NSD1: variants seen among roughly 807,000 people sequenced by gnomAD.
NSD1 encodes the protein histone-lysine N-methyltransferase, H3 lysine-36 specific.
In NSD1, 26 loss-of-function variants were observed where a neutral mutation model predicts 242.7. The observed-to-expected ratio is 0.11, with a 90% CI of 0.08 to 0.15. The LOEUF (loss-of-function observed/expected upper bound fraction) is 0.15. Ranked by LOEUF, NSD1 falls within the 10% of genes least tolerant of loss-of-function variation. The probability of loss-of-function intolerance (pLI) is 1.00; values close to 1 mark genes in which losing one functional copy is unlikely to be tolerated. For synonymous variants in NSD1, 1,106 were observed against 1,178.1 expected (o/e 0.94, Z 1.25); for missense variants, 2,495 against 3,272.8 (o/e 0.76, Z 5.80).
intron 2 of NSD1, among the ~76,000 whole-genome samples, chr5:177,185,663 A>ATTAT (rs1388921280): frequency 1.6e-5 from 2 of 123,646 alleles, no homozygotes; most frequent in African/African-American, 6.3e-5. Context: ...CCAAATATAT[A>ATTAT]TTATATATAT....
At chr5:177,143,536 G>T (rs904165650) in intron 2 of NSD1, among the ~76,000 whole-genome samples, 2 of 151,942 alleles carry the variant, frequency 1.3e-5, no homozygotes, top group African/African-American at 4.8e-5. Flanking sequence ...TGGTTAAGCT[G>T]GTCTTGAACT....
At chr5:177,152,778 T>C (rs1390476215) in intron 2 of NSD1, among the ~76,000 whole-genome samples, 1 of 151,672 alleles carries the variant, frequency 6.6e-6, no homozygotes, top group Non-Finnish European at 1.5e-5. Context: ...CTTTTTTTTT[T>C]TTGGCAAGTG....
At chr5:177,223,901 G>A (rs972670478) in intron 5 of NSD1, among the ~76,000 whole-genome samples, 4 of 152,136 alleles carry the variant, frequency 2.6e-5, no homozygotes, top group Admixed American at 6.5e-5. Context: ...CAGGAGAATC[G>A]CCTGAACCTG....
At chr5:177,176,458 GTA>G (rs1305008397) in intron 2 of NSD1, among the ~76,000 whole-genome samples, 1 of 149,750 alleles carries the variant, frequency 6.7e-6, no homozygotes, top group Non-Finnish European at 1.5e-5. Context: ...TAAAGAGACA[GTA>G]TCTTGCTCTG....
intron 17 of NSD1, among the ~76,000 whole-genome samples, chr5:177,275,563 A>G (rs1020426577): frequency 8.8e-5 from 13 of 147,470 alleles, no homozygotes; most frequent in Non-Finnish European, 1.6e-4. Flanking sequence ...CCTCCCGAGT[A>G]GCTGGGACTA....
At chr5:177,151,006 G>C (rs143676916) in intron 2 of NSD1, among the ~76,000 whole-genome samples, 5 of 152,262 alleles carry the variant, frequency 3.3e-5, no homozygotes, top group Non-Finnish European at 7.4e-5. Context: ...CGTTATAGTT[G>C]GTTCAACTGA....
chr5:177,255,713 G>A (rs1323684945), intron 12 of NSD1, among the ~76,000 whole-genome samples: 1 of 152,070 alleles, frequency 6.6e-6, no homozygotes, highest in African/African-American at 2.4e-5. Flanking sequence ...CTCTGTATTA[G>A]TTGGGATTAT....
intron 2 of NSD1, among the ~76,000 whole-genome samples, chr5:177,148,405 A>C (rs1470005593): frequency 6.6e-6 from 1 of 151,748 alleles, no homozygotes; most frequent in Non-Finnish European, 1.5e-5. Context: ...GGCGTGAGCC[A>C]CGGCGCCCCG....
At chr5:177,227,408 A>G (rs1254881575) in intron 5 of NSD1, among the ~76,000 whole-genome samples, 4 of 152,198 alleles carry the variant, frequency 2.6e-5, no homozygotes, top group Non-Finnish European at 5.9e-5. Context: ...ACTTTCTGGC[A>G]GGATGATAAC....
Position 177,246,787 on chromosome 5 carries a change from A to G in NSD1, c.4488A>G (p.Pro1496=). The change falls in exon 10 of 23, where the codon CCA becomes CCG. Residue 1496 remains proline, a synonymous_variant. Transcript: ENST00000439151. ...VKNDDSSKEI[P]GSEGELMPHR... is the part of the protein sequence containing the mutation. Reference sequence around the variant, plus strand: ...ATGATGACTCGTCAAAAGAGATTCCAGGCTCAGAGGTATTACTCAGTTCCT... The same window carrying G: ...ATGATGACTCGTCAAAAGAGATTCCGGGCTCAGAGGTATTACTCAGTTCCT... 6.2e-7 allele frequency: 1 copy of G among 1,609,668 alleles called. No homozygotes were observed. Among genetic ancestry groups the G allele is most frequent in the Non-Finnish European group, 8.5e-7 (1 of 1,176,002 alleles).
At position 177,133,897 on chromosome 5, in the gene NSD1, G is replaced by C. The variant is rs1193562696; in HGVS notation, c.-73G>C. On this transcript the variant is annotated 5_prime_UTR_variant, in exon 1 of 23. Transcript: ENST00000439151. This position sits in a 1 kb window ranked among gnomAD's most constrained non-coding sequence, Gnocchi z 6.2. ...TCCCCACCGCTCCGCTCGCACCCCAGTGTAATGAGGGTCACCCCCTCCCCC... is the reference window on the plus strand; with the variant it reads ...TCCCCACCGCTCCGCTCGCACCCCACTGTAATGAGGGTCACCCCCTCCCCC... The C allele has an allele frequency of 6.6e-6, 1 of 151,192 alleles. No individual in the cohort carries two copies. The highest frequency in any genetic ancestry group is 1.5e-5 in the Non-Finnish European group (1 of 67,648). The allele number at this position is 151,192 out of a possible 1,614,324, so 9.4% of individuals were successfully genotyped here.
intron 5 of NSD1, among the ~76,000 whole-genome samples, chr5:177,229,450 C>T (rs1219691294): frequency 6.6e-6 from 1 of 152,150 alleles, no homozygotes; most frequent in East Asian, 1.9e-4. Context: ...TTAAGGTTTG[C>T]ATAATTACTC....
At chr5:177,154,638 A>G (rs1436903156) in intron 2 of NSD1, among the ~76,000 whole-genome samples, 4 of 152,284 alleles carry the variant, frequency 2.6e-5, no homozygotes, top group African/African-American at 4.8e-5. Context: ...CCTTTTTCAC[A>G]TAATGGTGTA....
Position 177,244,224 on chromosome 5 carries a change from C to T in NSD1, c.4332C>T (p.Gly1444=), listed in dbSNP as rs147235302. ...ATGAAGCTGGTCACCTGGAGAATGGCATAACTGAATCTTGTGCCACATCTT... is the reference window on the plus strand; with the variant it reads ...ATGAAGCTGGTCACCTGGAGAATGGTATAACTGAATCTTGTGCCACATCTT... ...KCYEAGHLEN[G]ITESCATSYS... The change falls in exon 9 of 23, where the codon GGC becomes GGT. Residue 1444 remains glycine (G), a synonymous_variant. Coordinates refer to ENST00000439151, the MANE Select transcript of NSD1 (RefSeq NM_022455.5). The T allele has an allele frequency of 2.9e-5, 47 of 1,613,468 alleles. 1 individual carries two copies. The highest frequency in any genetic ancestry group is 3.8e-5 in the Non-Finnish European group (45 of 1,179,612).
chr5:177,238,692 A>G lies in NSD1; in HGVS notation c.4192+185A>G, dbSNP rs559363180. ...TACTAACCATGAACTGTGGCACACT[A>G]TCAAGAAGATGTATTTTTAATAACT... On this transcript the variant is annotated intron_variant, in intron 7 of 22. Transcript: ENST00000439151. The surrounding 1 kb of genome is among the most constrained non-coding windows in gnomAD (Gnocchi z 4.6). 6.6e-6 allele frequency among the ~76,000 whole-genome samples: 1 copy of G among 152,346 alleles called. No individual in the cohort carries two copies. Among genetic ancestry groups the G allele is most frequent in the East Asian group, 1.9e-4 (1 of 5,186 alleles).
Position 177,283,843 on chromosome 5 carries a change from C to T in NSD1, c.6066C>T (p.Cys2022=), listed in dbSNP as rs771766405. ...KGNYARFMNH[C]CQPNCETQKW... is the part of the protein sequence containing the mutation. ...ACTATGCTCGGTTCATGAATCATTG[C>T]TGCCAGCCCAACTGTGAAACACAGA... The change falls in exon 20 of 23, where the codon TGC becomes TGT. Residue 2022 remains cysteine, a synonymous_variant. Transcript: ENST00000439151. The T allele has an allele frequency of 6.2e-7, 1 of 1,614,140 alleles. No homozygotes were observed. Among genetic ancestry groups the T allele is most frequent in the Admixed American group, 1.7e-5 (1 of 60,022 alleles).
At chr5:177,240,727 T>G (rs918386560) in intron 8 of NSD1, among the ~76,000 whole-genome samples, 3 of 151,490 alleles carry the variant, frequency 2.0e-5, no homozygotes, top group Admixed American at 2.0e-4. Flanking sequence ...AAATAAAAAA[T>G]CTATTGTGAT....
At chr5:177,267,473 AAG>A (rs987084864) in intron 14 of NSD1, 87 bp from the exon 15 acceptor site, 6 of 1,118,932 alleles carry the variant, frequency 5.4e-6, no homozygotes, top group African/African-American at 1.6e-5. Context: ...AGTGAAGAGA[AAG>A]AAAATATATA....
intron 4 of NSD1, among the ~76,000 whole-genome samples, chr5:177,207,812 G>A (rs1030309102): frequency 4.0e-5 from 6 of 151,330 alleles, no homozygotes; most frequent in Admixed American, 1.3e-4. Flanking sequence ...GCACGGTTTC[G>A]GCACACTGCA....
Sources: allele counts gnomAD v4.1 joint callset (sites outside exome capture counted in the v4.1 genomes callset), GRCh38; gene constraint gnomAD v4.1.1; non-coding constraint Gnocchi (gnomAD v3.1); transcripts MANE v1.5; gene names NCBI Gene and HGNC (gene_info 2026-07-23, HGNC 2026-07-21).